PPIA: variants seen among roughly 807,000 people sequenced by gnomAD.
PPIA encodes the protein peptidyl-prolyl cis-trans isomerase A.
In PPIA, 2 loss-of-function variants were observed where a neutral mutation model predicts 15.3. The observed-to-expected ratio is 0.13, with a 90% confidence interval of 0.05 to 0.41. The LOEUF is 0.41. Ranked by LOEUF, PPIA falls within the 10% of genes least tolerant of loss-of-function variation. The probability of loss-of-function intolerance (pLI) is 0.99; values close to 1 mark genes in which losing one functional copy is unlikely to be tolerated. For missense variants in PPIA, 103 were observed against 210.3 expected, an observed-to-expected ratio of 0.49 and a Z score of 3.16; for synonymous variants, 67 against 73.1, an observed-to-expected ratio of 0.92 and a Z score of 0.43.
At chr7:44,796,843 G>T (rs375164697) in intron 1 of PPIA, 50 bp downstream of exon 1, 2 of 1,559,456 alleles carry the variant, frequency 1.3e-6, no homozygotes, top group Admixed American at 1.7e-5. Flanking sequence ...GTGGGCCGGG[G>T]TCGGGGTGGG....
chr7:44,800,878 C>T (rs988360126), intron 4 of PPIA, among the ~76,000 whole-genome samples: 2 of 152,082 alleles, frequency 1.3e-5, no homozygotes, highest in South Asian at 2.1e-4. Context: ...AGTGCAGTGG[C>T]GCGATCTCGG....
chr7:44,801,527 C>T lies in PPIA; in HGVS notation c.*105C>T, dbSNP rs571726170. On this transcript the variant is annotated 3_prime_UTR_variant, in exon 5 of 5. Transcript: ENST00000468812. ...CAGTATCCTAGAATCTTTGTGCTCT[C>T]GCTGCAGTTCCCTTTGGGTTCCATG... 25 of 689,568 alleles carry T rather than the reference C, an allele frequency of 3.6e-5. No homozygotes were observed. Among genetic ancestry groups the T allele is most frequent in the Middle Eastern group, 4.1e-4 (1 of 2,416 alleles). The allele number at this position is 689,568 out of a possible 1,614,324, so 42.7% of individuals were successfully genotyped here.
At position 44,796,709 on chromosome 7, in the gene PPIA, C is replaced by T. The variant is rs200534700; in HGVS notation, c.-16C>T. On this transcript the variant is annotated 5_prime_UTR_variant, in exon 1 of 5. Coordinates refer to ENST00000468812, the MANE Select transcript of PPIA (RefSeq NM_021130.5). ...TTGCAGACGCCACCGCCGAGGAAAACCGTGTACTATTAGCCATGGTCAACC... is the reference window on the plus strand; with the variant it reads ...TTGCAGACGCCACCGCCGAGGAAAATCGTGTACTATTAGCCATGGTCAACC... 103 of 1,610,100 alleles carry T rather than the reference C, an allele frequency of 6.4e-5. 1 individual carries two copies. The highest frequency in any genetic ancestry group is 1.0e-4 in the Admixed American group (6 of 60,002).
intron 3 of PPIA, 29 bp downstream of exon 3, chr7:44,799,509 T>C: frequency 2.5e-6 from 4 of 1,605,236 alleles, no homozygotes; most frequent in Non-Finnish European, 3.4e-6. Context: ...TTTATTTTAT[T>C]TGGGTTGCTC....
Position 44,797,151 on chromosome 7 carries a change from G to T in PPIA, c.69+358G>T, listed in dbSNP as rs17860052. ...GTTGGGCTCCGCCCTAGCTTGGCCT[G>T]GGCGCCGCAGACCGGAGCCAGAAGC... On this transcript the variant is annotated intron_variant, in intron 1 of 4. Coordinates refer to ENST00000468812, the MANE Select transcript of PPIA (RefSeq NM_021130.5). Among the ~76,000 whole-genome samples, 130 of 152,320 alleles carry T rather than the reference G, an allele frequency of 8.5e-4. 1 individual carries two copies. Among genetic ancestry groups the T allele is most frequent in the Middle Eastern group, 3.4e-3 (1 of 294 alleles).
chr7:44,801,200 A>AC (rs1792549342), intron 4 of PPIA, 87 bp from the exon 5 acceptor site: 8 of 1,413,276 alleles, frequency 5.7e-6, no homozygotes, highest in Non-Finnish European at 7.7e-6. Context: ...AAAAAAAAAA[A>AC]AAGCTACCTT....
In PPIA at chr7:44,801,484, C is replaced by T. The variant is rs11547711; in HGVS notation, c.*62C>T. ...CCTTCTGTAGCTCAGGAGAGCACCCCTCCACCCCATTTGCTCGCAGTATCC... is the reference window on the plus strand; with the variant it reads ...CCTTCTGTAGCTCAGGAGAGCACCCTTCCACCCCATTTGCTCGCAGTATCC... On this transcript the variant is annotated 3_prime_UTR_variant, in exon 5 of 5. Coordinates refer to ENST00000468812, the MANE Select transcript of PPIA (RefSeq NM_021130.5). The T allele has an allele frequency of 3.1e-6, 4 of 1,270,404 alleles. No homozygotes were observed. Among genetic ancestry groups the T allele is most frequent in the Non-Finnish European group, 4.5e-6 (4 of 896,720 alleles). 78.7% of individuals were successfully genotyped at this position (1,270,404 alleles called of 1,614,324 possible). A position where few individuals can be genotyped will look rare whatever the true frequency, so the allele number is the denominator to read the frequency against.
chr7:44,799,119 G>A, intron 1 of PPIA, 128 bp from the exon 2 acceptor site: 1 of 1,221,428 alleles, frequency 8.2e-7, no homozygotes, highest in Non-Finnish European at 1.1e-6. Context: ...GCAGTTCTTG[G>A]GAATTAAAGT....
chr7:44,800,398 C>CTTTTTTT (rs57466816), intron 4 of PPIA: 2 of 142,290 alleles, frequency 1.4e-5, no homozygotes, highest in Non-Finnish European at 1.5e-5. Context: ...CAATTAAGTG[C>CTTTTTTT]TTTTTTTTTT....
intron 1 of PPIA, 84 bp from the exon 2 acceptor site, chr7:44,799,163 A>G: frequency 1.4e-6 from 2 of 1,427,934 alleles, no homozygotes; most frequent in African/African-American, 2.9e-5. Context: ...GAGAAAATGA[A>G]TTTATGACTC....
chr7:44,801,208 C>A, intron 4 of PPIA, 79 bp from the exon 5 acceptor site: 3 of 1,449,690 alleles, frequency 2.1e-6, no homozygotes, highest in Non-Finnish European at 2.8e-6. Flanking sequence ...AAAAAGCTAC[C>A]TTTCTCGTCT....
In PPIA at chr7:44,801,190, A is replaced by G. The variant is rs1183198809; in HGVS notation, c.363-97A>G. Reference sequence around the variant, plus strand: ...TTTAGTACAAAAGGCTTCAGTTAAAAAAAAAAAAAAAAGCTACCTTTCTCG... The same window carrying G: ...TTTAGTACAAAAGGCTTCAGTTAAAGAAAAAAAAAAAAGCTACCTTTCTCG... On this transcript the variant is annotated intron_variant, in intron 4 of 4. Transcript: ENST00000468812. The G allele has an allele frequency of 2.1e-5, 26 of 1,227,152 alleles. No individual in the cohort carries two copies. In the African/African-American group the frequency reaches 3.4e-4, roughly 16 times the overall value. The allele number at this position is 1,227,152 out of a possible 1,614,324, so 76.0% of individuals were successfully genotyped here. A position where few individuals can be genotyped will look rare whatever the true frequency, so the allele number is the denominator to read the frequency against.
chr7:44,800,635 GTGAT>G (rs1792523325), intron 4 of PPIA: 1 of 153,702 alleles, frequency 6.5e-6, no homozygotes, highest in African/African-American at 2.4e-5. Flanking sequence ...CTGGGCTCAA[GTGAT>G]CTGCCTGCCT....
At chr7:44,798,885 G>A (rs1220177674) in intron 1 of PPIA, 5 of 1,051,542 alleles carry the variant, frequency 4.8e-6, no homozygotes, top group Admixed American at 1.0e-4. Flanking sequence ...AGTGCTTGCT[G>A]TTCCTTAGAA....
intron 3 of PPIA, 79 bp downstream of exon 3, chr7:44,799,559 A>T: frequency 1.0e-5 from 16 of 1,569,090 alleles, no homozygotes; most frequent in Non-Finnish European, 1.4e-5. Context: ...CAGGATACAC[A>T]TATCTGAACT....
chr7:44,800,140 G>A (rs933245215), intron 4 of PPIA: 7 of 459,694 alleles, frequency 1.5e-5, no homozygotes, highest in Admixed American at 1.4e-4. Flanking sequence ...CCAGGTTGGA[G>A]TGCAGTGGCA....
At chr7:44,800,024 TA>T in intron 4 of PPIA, 150 bp downstream of exon 4, 1 of 777,812 alleles carries the variant, frequency 1.3e-6, no homozygotes, top group Non-Finnish European at 2.0e-6. Context: ...AAACGACAAA[TA>T]TAGCCAATGT....
chr7:44,796,878 G>T, intron 1 of PPIA, 85 bp downstream of exon 1: 1 of 1,435,980 alleles, frequency 7.0e-7, no homozygotes. Flanking sequence ...AGGCCCGGGC[G>T]CGGGGCGACC....
rs995720018 is a variant in PPIA, at chr7:44,801,512, G to A, written c.*90G>A. The stretch of plus-strand genomic sequence containing the variant: ...CACCCCATTTGCTCGCAGTATCCTA[G>A]AATCTTTGTGCTCTCGCTGCAGTTC... On this transcript the variant is annotated 3_prime_UTR_variant, in exon 5 of 5. Transcript: ENST00000468812. 3.4e-6 allele frequency: 3 copies of A among 874,076 alleles called. No individual in the cohort carries two copies. The highest frequency in any genetic ancestry group is 2.5e-5 in the East Asian group (1 of 39,366). 54.1% of individuals were successfully genotyped at this position (874,076 alleles called of 1,614,324 possible).
Sources: gnomAD v4.1 joint callset for allele counts (sites outside exome capture counted in the v4.1 genomes callset) on GRCh38, gnomAD v4.1.1 for gene constraint, MANE v1.5 for transcripts, NCBI Gene and HGNC (gene_info 2026-07-23, HGNC 2026-07-21) for gene names.